GLYATL2: variants seen among roughly 807,000 people sequenced by gnomAD.
GLYATL2 encodes glycine N-acyltransferase-like protein 2.
In GLYATL2, 25 loss-of-function variants were observed where a neutral mutation model predicts 21.4. The ratio of observed to expected loss-of-function variants is 1.17; its 90% confidence interval spans 0.85 to 1.63. GLYATL2 has a LOEUF of 1.63. Ranked by LOEUF, GLYATL2 falls within the 40% of genes most tolerant of loss-of-function variation. The pLI, the probability that GLYATL2 is intolerant of heterozygous loss-of-function variation, is 0.00. For synonymous variants in GLYATL2, 114 were observed against 118.2 expected, an observed-to-expected ratio of 0.96 and a Z score of 0.23; for missense variants, 361 against 343.3, an observed-to-expected ratio of 1.05 and a Z score of -0.41.
rs75031350 is a variant in GLYATL2 at position 58,859,085 on chromosome 11, A to T, written n.61-20717T>A. 5.3e-5 allele frequency among the ~76,000 whole-genome samples: 8 copies of T among 152,144 alleles called. No homozygotes were observed. The South Asian group carries it at 1.7e-3, about 32-fold the overall frequency. On this transcript the variant is annotated intron_variant and non_coding_transcript_variant, in intron 1 of 4. Coordinates refer to the GLYATL2 transcript ENST00000533636. The stretch of plus-strand genomic sequence containing the variant: ...GGAAGTCTCTGAAGCTCTCACTCAC[A>T]CCTGTAGTCTGTGGAGAAAATGTAC...
chr11:58,908,125 A>G (rs4939243), upstream of GLYATL2: 112,886 of 152,108 alleles, frequency 0.74, 44,266 homozygotes, highest in Non-Finnish European at 0.88. Context: ...TCATCCTAGT[A>G]CTCTGCCATA....
chr11:58,890,425 C>T (rs936179619), intron 1 of GLYATL2, among the ~76,000 whole-genome samples: 1 of 152,004 alleles, frequency 6.6e-6, no homozygotes. Flanking sequence ...AACCGAGGTG[C>T]CCATCAATAG....
In GLYATL2 at chr11:58,863,609, A is replaced by T. The variant is rs1261401512; in HGVS notation, n.61-25241T>A. ...CCTAGGGCTGGGATGGGGTGGGGCC[A>T]GTCTAGAGCCTGAGACCATAGGTGG... On this transcript the variant is annotated intron_variant and non_coding_transcript_variant, in intron 1 of 4. Coordinates refer to the GLYATL2 transcript ENST00000533636. Among the ~76,000 whole-genome samples the T allele has an allele frequency of 2.6e-5, 4 of 152,294 alleles. No individual in the cohort carries two copies. The East Asian group carries it at 7.7e-4, about 29-fold the overall frequency.
chr11:58,893,329 A>G (rs147331878), intron 1 of GLYATL2: 212 of 211,196 alleles, frequency 1.0e-3, no homozygotes, highest in African/African-American at 4.5e-3. Context: ...TCATAAGAAT[A>G]TTCCATTTTA....
rs548031251 is a variant in GLYATL2, at chr11:58,898,418, T to C, written n.60+5738A>G. Among the ~76,000 whole-genome samples, 8 of 152,278 alleles carry C rather than the reference T, an allele frequency of 5.3e-5. No individual in the cohort carries two copies. In the East Asian group the frequency reaches 1.5e-3, roughly 29 times the overall value. ...ACACTTCCTGGAGAGCCTAACATTG[T>C]CCATTTAGAGTTAACTTTCTACATA... On this transcript the variant is annotated intron_variant and non_coding_transcript_variant, in intron 1 of 4. Coordinates refer to the GLYATL2 transcript ENST00000533636.
chr11:58,862,453 C>T (rs1277914257), intron 1 of GLYATL2, among the ~76,000 whole-genome samples: 2 of 152,142 alleles, frequency 1.3e-5, no homozygotes, highest in Non-Finnish European at 2.9e-5. Context: ...CATTGGATCT[C>T]TTACTGATAT....
chr11:58,901,651 A>G (rs1005651478), intron 1 of GLYATL2, among the ~76,000 whole-genome samples: 2 of 151,764 alleles, frequency 1.3e-5, no homozygotes, highest in Non-Finnish European at 2.9e-5. Flanking sequence ...GTGAAGCTCT[A>G]AGGTTAAAAT....
chr11:58,839,348 G>A (rs1490855482), intron 2 of GLYATL2, among the ~76,000 whole-genome samples, 187 bp downstream of exon 2: 1 of 152,156 alleles, frequency 6.6e-6, no homozygotes, highest in African/African-American at 2.4e-5. Flanking sequence ...AAATTCAAAA[G>A]ATGTTTAAGA....
upstream of GLYATL2, among the ~76,000 whole-genome samples, chr11:58,905,217 A>G (rs1854833992): frequency 6.6e-6 from 1 of 152,240 alleles, no homozygotes; most frequent in South Asian, 2.1e-4. Context: ...CCAGACTGGC[A>G]TTGTCTGTGT....
intron 1 of GLYATL2, chr11:58,878,421 G>C (rs377117572): frequency 8.5e-6 from 4 of 473,160 alleles, no homozygotes; most frequent in African/African-American, 2.1e-5. Flanking sequence ...ACACATTTGT[G>C]TTTTGAGCTC....
chr11:58,866,776 G>A (rs1312345180), intron 1 of GLYATL2, among the ~76,000 whole-genome samples: 2 of 149,098 alleles, frequency 1.3e-5, no homozygotes, highest in African/African-American at 2.4e-5. Context: ...CTGCCTCAAG[G>A]TAACTTTAAA....
intron 1 of GLYATL2, among the ~76,000 whole-genome samples, chr11:58,850,456 A>T (rs1382369835): frequency 6.6e-6 from 1 of 152,134 alleles, no homozygotes; most frequent in Non-Finnish European, 1.5e-5. Context: ...ATTAATCATT[A>T]ATTTGTAGCA....
chr11:58,874,028 T>A (rs867799097), intron 1 of GLYATL2, among the ~76,000 whole-genome samples: 1 of 152,218 alleles, frequency 6.6e-6, no homozygotes, highest in Non-Finnish European at 1.5e-5. Flanking sequence ...AGTGTATGTG[T>A]CGAGGAATTT....
intron 1 of GLYATL2, among the ~76,000 whole-genome samples, chr11:58,854,975 G>C (rs1220452003): frequency 6.6e-6 from 1 of 152,118 alleles, no homozygotes; most frequent in Non-Finnish European, 1.5e-5. Flanking sequence ...TCTAATTTTA[G>C]TTCTCTTGTT....
At position 58,836,949 on chromosome 11, in the gene GLYATL2, G is replaced by A. The variant is rs1853442040; in HGVS notation, c.476+66C>T. On this transcript the variant is annotated intron_variant, in intron 5 of 5. Transcript: ENST00000287275. ...TTAGTCTCAAATCCTACATTTCCAA[G>A]TACAGCCTTTGTGGCAACTCAGTAA... 4 of 1,402,016 alleles carry A rather than the reference G, an allele frequency of 2.9e-6. No homozygotes were observed. The East Asian group carries it at 6.8e-5, about 24-fold the overall frequency. 86.8% of individuals were successfully genotyped at this position (1,402,016 alleles called of 1,614,324 possible).
chr11:58,895,739 G>GA (rs1476997880), intron 1 of GLYATL2, among the ~76,000 whole-genome samples: 6 of 147,598 alleles, frequency 4.1e-5, no homozygotes, highest in Non-Finnish European at 8.9e-5. Flanking sequence ...AAATCAGCCT[G>GA]AAAAATCAAG....
chr11:58,902,107 G>T (rs1344634763), intron 1 of GLYATL2, among the ~76,000 whole-genome samples: 1 of 152,132 alleles, frequency 6.6e-6, no homozygotes, highest in Non-Finnish European at 1.5e-5. Flanking sequence ...AGTACTTCAA[G>T]GCTGGCTCCT....
chr11:58,906,388 A>G (rs947688623), upstream of GLYATL2, among the ~76,000 whole-genome samples: 1 of 152,136 alleles, frequency 6.6e-6, no homozygotes, highest in African/African-American at 2.4e-5. Context: ...CACCCATAGA[A>G]TGAGACCAGG....
At chr11:58,882,231 G>C (rs546467391) in intron 1 of GLYATL2, among the ~76,000 whole-genome samples, 7 of 152,144 alleles carry the variant, frequency 4.6e-5, no homozygotes, top group East Asian at 1.9e-4. Flanking sequence ...TCCACATCCT[G>C]TCCAGCACCT....
Sources: gnomAD v4.1 joint callset for allele counts (sites outside exome capture counted in the v4.1 genomes callset) on GRCh38, gnomAD v4.1.1 for gene constraint, MANE v1.5 for transcripts, NCBI Gene and HGNC (gene_info 2026-07-23, HGNC 2026-07-21) for gene names.